The following SORCS1 variants were observed in gnomAD, a reference collection of about 807,000 sequenced individuals.
SORCS1 encodes sortilin related VPS10 domain containing receptor 1.
A neutral mutation model predicts 146.1 loss-of-function variants in SORCS1; 60 were observed. That is an observed-to-expected ratio of 0.41 (90% CI 0.33 to 0.51). The LOEUF (loss-of-function observed/expected upper bound fraction) is 0.51. Ranked by LOEUF, SORCS1 falls within the 20% of genes least tolerant of loss-of-function variation. The pLI, the probability that SORCS1 is intolerant of heterozygous loss-of-function variation, is 0.21. For synonymous variants in SORCS1, 637 were observed against 584.0 expected, an observed-to-expected ratio of 1.09 and a Z score of -1.31; for missense variants, 1,352 against 1,487.6, an observed-to-expected ratio of 0.91 and a Z score of 1.50.
Position 107,000,216 on chromosome 10 carries a change from A to G in SORCS1, c.559-43636T>C, listed in dbSNP as rs866942953. ...AGTTTGTACCTTCTGTGTGCAATGC[A>G]CACCCAGCAGTTGATGTCAAAGTGG... On this transcript the variant is annotated intron_variant, in intron 1 of 25. Transcript: ENST00000263054. 2.0e-5 allele frequency among the ~76,000 whole-genome samples: 3 copies of G among 152,344 alleles called. 1 individual carries two copies. The highest frequency in any genetic ancestry group is 6.8e-3 in the Middle Eastern group (2 of 294).
At chr10:106,724,021 C>A (rs1855968831) in intron 6 of SORCS1, among the ~76,000 whole-genome samples, 1 of 152,050 alleles carries the variant, frequency 6.6e-6, no homozygotes, top group Non-Finnish European at 1.5e-5. Flanking sequence ...GATCTACTGG[C>A]AGGTCTGATA....
chr10:106,738,384 T>C (rs2475260), intron 5 of SORCS1, among the ~76,000 whole-genome samples: 119,156 of 152,180 alleles, frequency 0.78, 47,520 homozygotes, highest in Non-Finnish European at 0.87. Context: ...GTGACATTTC[T>C]GTAGGGAGGA....
At chr10:106,778,615 T>C (rs1032386715) in intron 3 of SORCS1, among the ~76,000 whole-genome samples, 22 of 152,184 alleles carry the variant, frequency 1.4e-4, no homozygotes, top group African/African-American at 5.1e-4. Flanking sequence ...ATTTTTTGAA[T>C]AACAAATAAG....
At chr10:106,586,350 T>C (rs1845234222) in intron 24 of SORCS1, among the ~76,000 whole-genome samples, 1 of 152,224 alleles carries the variant, frequency 6.6e-6, no homozygotes, top group South Asian at 2.1e-4. Context: ...AAAGGGTAGC[T>C]TGTCCTATGT....
At chr10:106,760,361 G>A (rs543674503) in intron 5 of SORCS1, among the ~76,000 whole-genome samples, 3 of 148,454 alleles carry the variant, frequency 2.0e-5, no homozygotes, top group African/African-American at 7.4e-5. Context: ...GGAGAATGGC[G>A]TGAACCTGGG....
chr10:107,139,055 A>G (rs1316465994), intron 1 of SORCS1, among the ~76,000 whole-genome samples: 1 of 152,210 alleles, frequency 6.6e-6, no homozygotes, highest in African/African-American at 2.4e-5. Context: ...TCTCCAATCT[A>G]ATTTGTGTAA....
intron 1 of SORCS1, among the ~76,000 whole-genome samples, chr10:107,112,979 G>C: frequency 6.6e-6 from 1 of 152,090 alleles, no homozygotes. Context: ...AGAAGCAGTA[G>C]GCTTGAACAA....
At chr10:107,165,821 G>C (rs2249191), upstream of SORCS1, among the ~76,000 whole-genome samples, 48,025 of 151,936 alleles carry the variant, frequency 0.32, 7,829 homozygotes, top group African/African-American at 0.39. The surrounding 1 kb of genome is among the most constrained non-coding windows in gnomAD (Gnocchi z 4.0). Flanking sequence ...ATCACAATCT[G>C]TCAGCTTCCT....
chr10:106,970,659 T>C (rs1376743194), intron 1 of SORCS1, among the ~76,000 whole-genome samples: 1 of 151,992 alleles, frequency 6.6e-6, no homozygotes, highest in Non-Finnish European at 1.5e-5. Context: ...AAGGTTTATA[T>C]ACCTCTCCCA....
chr10:106,593,880 C>G (rs1845755784), intron 24 of SORCS1, among the ~76,000 whole-genome samples: 1 of 152,216 alleles, frequency 6.6e-6, no homozygotes. Flanking sequence ...AAATATACCT[C>G]CCTTTTGCCA....
chr10:106,715,597 C>T (rs1855306910), intron 6 of SORCS1, among the ~76,000 whole-genome samples: 1 of 152,198 alleles, frequency 6.6e-6, no homozygotes, highest in African/African-American at 2.4e-5. Flanking sequence ...TGACCTTAGT[C>T]TTGAAATGTG....
intron 13 of SORCS1, among the ~76,000 whole-genome samples, 160 bp downstream of exon 13, chr10:106,677,153 G>A (rs1377287350): frequency 6.6e-6 from 1 of 152,084 alleles, no homozygotes; most frequent in East Asian, 1.9e-4. Flanking sequence ...TCAGTGGATT[G>A]GCTTTTTGTG....
At chr10:106,845,905 T>A (rs1212370259) in intron 2 of SORCS1, among the ~76,000 whole-genome samples, 1 of 116,224 alleles carries the variant, frequency 8.6e-6, no homozygotes, top group Non-Finnish European at 2.0e-5. Context: ...GTATGTGGCG[T>A]TATTTCTGAG....
intron 1 of SORCS1, among the ~76,000 whole-genome samples, chr10:107,133,555 G>T (rs758279639): frequency 6.6e-5 from 10 of 152,072 alleles, no homozygotes; most frequent in African/African-American, 2.2e-4. Flanking sequence ...ACATTTGGGG[G>T]TATCATTTTC....
At chr10:106,880,471 G>A (rs1950766165) in intron 2 of SORCS1, among the ~76,000 whole-genome samples, 1 of 152,086 alleles carries the variant, frequency 6.6e-6, no homozygotes, top group African/African-American at 2.4e-5. Context: ...AGTCTGTCTG[G>A]CATTTATGAA....
chr10:106,647,389 TAC>T (rs3044913), intron 18 of SORCS1, among the ~76,000 whole-genome samples: 4,299 of 147,394 alleles, frequency 0.029, 175 homozygotes, highest in African/African-American at 0.099. Flanking sequence ...TTATAAATTT[TAC>T]ACACACACAC....
intron 6 of SORCS1, among the ~76,000 whole-genome samples, chr10:106,725,419 C>T (rs1275413671): frequency 2.0e-5 from 3 of 149,900 alleles, no homozygotes; most frequent in East Asian, 2.0e-4. Flanking sequence ...GGTGTGGTGG[C>T]GGGCACCTAT....
At position 106,574,238 on chromosome 10, in the gene SORCS1, A is replaced by C. The variant is rs1440257433; in HGVS notation, c.*3182T>G. 6.6e-6 allele frequency: 1 copy of C among 152,650 alleles called. No individual in the cohort carries two copies. The highest frequency in any genetic ancestry group is 1.5e-5 in the Non-Finnish European group (1 of 68,046). 9.5% of individuals were successfully genotyped at this position (152,650 alleles called of 1,614,324 possible). On this transcript the variant is annotated 3_prime_UTR_variant, in exon 26 of 26. Coordinates refer to ENST00000263054, the MANE Select transcript of SORCS1 (RefSeq NM_052918.5). ...TTGGACAGTGAATCCAATTAAAAAT[A>C]AGGCAAGGTAGAAAGTGTTGCTTGG...
intron 2 of SORCS1, among the ~76,000 whole-genome samples, chr10:106,918,243 C>T (rs2138356279): frequency 6.6e-6 from 1 of 152,306 alleles, no homozygotes; most frequent in East Asian, 1.9e-4. Flanking sequence ...TCACTGCAAG[C>T]TCTGCCTCCC....
Sources: gnomAD v4.1 joint callset for allele counts (sites outside exome capture counted in the v4.1 genomes callset) on GRCh38, gnomAD v4.1.1 for gene constraint, Gnocchi (gnomAD v3.1) non-coding constraint, MANE v1.5 for transcripts, NCBI Gene and HGNC (gene_info 2026-07-23, HGNC 2026-07-21) for gene names.